Variants in RNF111 observed in about 807,000 individuals in gnomAD.
The protein encoded by RNF111 is ring finger protein 111, also known as E3 ubiquitin-protein ligase Arkadia.
In RNF111, 17 loss-of-function variants were observed where a neutral mutation model predicts 95.1. The ratio of observed to expected loss-of-function variants is 0.18; its 90% CI spans 0.12 to 0.27. The LOEUF (loss-of-function observed/expected upper bound fraction) is 0.27. Among genes scored for constraint, RNF111 ranks in the 10% least tolerant of loss-of-function variants. RNF111 has a pLI of 1.00. For synonymous variants in RNF111, 440 were observed against 414.8 expected (o/e 1.06, Z -0.74); for missense variants, 1,189 against 1,210.4 (o/e 0.98, Z 0.26).
intron 3 of RNF111, 136 bp downstream of exon 3, chr15:59,052,567 GGA>G: frequency 4.5e-6 from 2 of 445,866 alleles, no homozygotes; most frequent in Non-Finnish European, 3.5e-6. Context: ...TCAGATTAGT[GGA>G]TTTTTTTTTT....
intron 1 of RNF111, among the ~76,000 whole-genome samples, chr15:58,996,865 T>C (rs1463499052): frequency 6.6e-6 from 1 of 152,132 alleles, no homozygotes; most frequent in Non-Finnish European, 1.5e-5. Flanking sequence ...TTCAAAAGAC[T>C]TACAATGAAA....
At position 59,055,760 on chromosome 15, in the gene RNF111, A is replaced by G. The variant is rs754108552; in HGVS notation, c.1086A>G (p.Pro362=). ...CTCATGCAAGTCGGCCACAGGAGCC[A>G]CGGAACCGCAGTAGGATTTCTACTG... ...SSSHASRPQE[P]RNRSRISTVI... The change falls in exon 4 of 14, where the codon CCA becomes CCG. Residue 362 remains proline (P), a synonymous_variant. Transcript: ENST00000348370. The G allele has an allele frequency of 1.9e-6, 3 of 1,614,004 alleles. No individual in the cohort carries two copies. The highest frequency in any genetic ancestry group is 4.5e-5 in the East Asian group (2 of 44,858).
intron 13 of RNF111, chr15:59,093,321 G>C (rs1265407500): frequency 2.5e-6 from 1 of 403,268 alleles, no homozygotes; most frequent in Non-Finnish European, 4.8e-6. Flanking sequence ...GTCCTATGCA[G>C]TCTGTTTTAC....
Position 59,058,357 on chromosome 15 carries a change from A to G in RNF111, c.1173A>G (p.Glu391=), listed in dbSNP as rs1459949315. 30 of 1,613,474 alleles carry G rather than the reference A, an allele frequency of 1.9e-5. No homozygotes were observed. The highest frequency in any genetic ancestry group is 2.5e-5 in the Non-Finnish European group (29 of 1,179,572). The change falls in exon 5 of 14, where the codon GAA becomes GAG. Residue 391 remains glutamate (E), a splice_region_variant and synonymous_variant. Transcript: ENST00000348370. ...EVVDLTVDED[E]PTVVPTTSAR... is the part of the protein sequence containing the mutation. The stretch of plus-strand genomic sequence containing the variant: ...AAGTTGACATTTTGTATTTTGTAGA[A>G]CCTACTGTAGTACCAACCACTTCTG...
At chr15:59,002,348 C>T (rs1292770530) in intron 1 of RNF111, among the ~76,000 whole-genome samples, 3 of 152,130 alleles carry the variant, frequency 2.0e-5, no homozygotes, top group Non-Finnish European at 2.9e-5. Flanking sequence ...ATAGCTGTCC[C>T]TTCCGTTTTC....
intron 10 of RNF111, among the ~76,000 whole-genome samples, chr15:59,088,653 A>G (rs1246574966): frequency 6.6e-6 from 1 of 152,224 alleles, no homozygotes; most frequent in Non-Finnish European, 1.5e-5. Context: ...TATGCATGGC[A>G]GTTATGATCT....
At chr15:59,017,122 C>T (rs143995225) in intron 1 of RNF111, among the ~76,000 whole-genome samples, 6 of 152,098 alleles carry the variant, frequency 3.9e-5, no homozygotes, top group South Asian at 2.1e-4. Flanking sequence ...TAAATGTACT[C>T]GGATCATCTC....
chr15:59,038,260 C>G lies in RNF111; in HGVS notation c.880+6558C>G, dbSNP rs140971346. Among the ~76,000 whole-genome samples the G allele has an allele frequency of 3.2e-3, 491 of 152,238 alleles. 4 individuals are homozygous for G. Among genetic ancestry groups the G allele is most frequent in the African/African-American group, 0.011 (469 of 41,532 alleles). On this transcript the variant is annotated intron_variant, in intron 2 of 13. Coordinates refer to ENST00000348370, the MANE Select transcript of RNF111 (RefSeq NM_017610.8). ...AGTGATGCATCACTAGAAACTTTGT[C>G]TCAAACTACAAATATCATTTTACCT... is the stretch of plus-strand genomic sequence containing the variant.
chr15:59,058,899 G>A (rs1393735542), intron 5 of RNF111, among the ~76,000 whole-genome samples: 1 of 152,192 alleles, frequency 6.6e-6, no homozygotes, highest in Non-Finnish European at 1.5e-5. Flanking sequence ...GTGAAAGACA[G>A]CCTACAGAAT....
chr15:59,066,674 T>C, intron 5 of RNF111, 90 bp from the exon 6 acceptor site: 1 of 1,017,080 alleles, frequency 9.8e-7, no homozygotes, highest in South Asian at 1.6e-5. Flanking sequence ...AACATTTCTT[T>C]AAACATTTAT....
intron 4 of RNF111, among the ~76,000 whole-genome samples, chr15:59,057,167 G>C (rs1159303382): frequency 1.3e-5 from 2 of 152,144 alleles, no homozygotes; most frequent in Non-Finnish European, 2.9e-5. Context: ...ACATCTAATG[G>C]ATAGAGACCA....
chr15:59,064,307 G>A (rs1003718687), intron 5 of RNF111, among the ~76,000 whole-genome samples: 5 of 152,032 alleles, frequency 3.3e-5, no homozygotes, highest in African/African-American at 1.2e-4. Context: ...AGGTCGAGGT[G>A]GGTGGATCAC....
At chr15:59,081,802 G>A (rs1220695252) in intron 8 of RNF111, among the ~76,000 whole-genome samples, 1 of 152,144 alleles carries the variant, frequency 6.6e-6, no homozygotes, top group Non-Finnish European at 1.5e-5. Flanking sequence ...TGAGGCGGGA[G>A]GATCGCTTGA....
At chr15:59,032,620 C>A (rs1213826118) in intron 2 of RNF111, among the ~76,000 whole-genome samples, 1 of 152,136 alleles carries the variant, frequency 6.6e-6, no homozygotes, top group Non-Finnish European at 1.5e-5. Flanking sequence ...TGGGTTTTGC[C>A]AAGTTGCCCA....
chr15:59,030,990 T>C lies in RNF111; in HGVS notation c.168T>C (p.Ile56=). ...AKSFPAGVEM[I]NSKVGNEFSH... The stretch of plus-strand genomic sequence containing the variant: ...GTTTTCCTGCAGGAGTTGAGATGAT[T>C]AATAGTAAAGTGGGGAATGAATTCT... Residue 56 remains isoleucine, a synonymous_variant, in exon 2 of 14, where the codon ATT becomes ATC. Coordinates refer to ENST00000348370, the MANE Select transcript of RNF111 (RefSeq NM_017610.8). The C allele has an allele frequency of 6.2e-7, 1 of 1,614,124 alleles. No homozygotes were observed.
At chr15:59,047,737 A>T (rs1184553442) in intron 2 of RNF111, among the ~76,000 whole-genome samples, 1 of 151,838 alleles carries the variant, frequency 6.6e-6, no homozygotes, top group Non-Finnish European at 1.5e-5. Context: ...TACCATGCCC[A>T]GGTAATTTTT....
intron 5 of RNF111, among the ~76,000 whole-genome samples, chr15:59,059,297 C>T (rs1183226554): frequency 6.6e-6 from 1 of 152,132 alleles, no homozygotes; most frequent in Non-Finnish European, 1.5e-5. Flanking sequence ...ATGAAAACCA[C>T]AATGAGATAC....
At chr15:59,071,298 CAAA>C (rs35775103) in intron 6 of RNF111, among the ~76,000 whole-genome samples, 17 of 95,018 alleles carry the variant, frequency 1.8e-4, no homozygotes, top group Admixed American at 6.7e-4. Context: ...GACTCCATCT[CAAA>C]AAAAAAAAAA....
intron 10 of RNF111, among the ~76,000 whole-genome samples, chr15:59,086,334 G>T (rs1409527131): frequency 6.6e-6 from 1 of 152,094 alleles, no homozygotes; most frequent in African/African-American, 2.4e-5. Context: ...GGCCAGGCTG[G>T]TCTCAAACTC....
Sources: allele counts gnomAD v4.1 joint callset (sites outside exome capture counted in the v4.1 genomes callset), GRCh38; gene constraint gnomAD v4.1.1; transcripts MANE v1.5; gene names NCBI Gene and HGNC (gene_info 2026-07-23, HGNC 2026-07-21).